The following NDUFAF6 variants were observed in gnomAD, a reference collection of about 807,000 sequenced individuals.
NDUFAF6 encodes NADH dehydrogenase (ubiquinone) complex I, assembly factor 6.
In NDUFAF6, 45 loss-of-function variants were observed where a neutral mutation model predicts 40.8. The ratio of observed to expected loss-of-function variants is 1.10; its 90% CI spans 0.87 to 1.42. The LOEUF (loss-of-function observed/expected upper bound fraction) is 1.42, where lower values mean the gene tolerates loss of function less well. NDUFAF6 is among the 40% of genes most tolerant of loss of function. The pLI is 0.00. For missense variants in NDUFAF6, 435 were observed against 418.5 expected (o/e 1.04, Z -0.34); for synonymous variants, 185 against 155.9 (o/e 1.19, Z -1.39).
At chr8:95,044,237 G>A (rs1310796395) in intron 4 of NDUFAF6, among the ~76,000 whole-genome samples, 1 of 152,022 alleles carries the variant, frequency 6.6e-6, no homozygotes, top group Non-Finnish European at 1.5e-5. Context: ...GGGGAAATGG[G>A]AAGTGTCTGC....
intron 1 of NDUFAF6, among the ~76,000 whole-genome samples, chr8:94,937,554 G>C (rs944640452): frequency 2.6e-5 from 4 of 152,088 alleles, no homozygotes; most frequent in African/African-American, 7.2e-5. Flanking sequence ...ATGGGGAGGA[G>C]GATGCTGGCA....
At chr8:95,065,570 A>G (rs563713103) in intron 9 of NDUFAF6, among the ~76,000 whole-genome samples, 3 of 152,322 alleles carry the variant, frequency 2.0e-5, no homozygotes, top group Admixed American at 6.5e-5. Flanking sequence ...TCTGTAGAAG[A>G]TGTTTTATTT....
At chr8:94,914,125 T>TTC (rs1554624436) in intron 1 of NDUFAF6, among the ~76,000 whole-genome samples, 197 of 150,874 alleles carry the variant, frequency 1.3e-3, no homozygotes, top group African/African-American at 4.7e-3. Context: ...TTTTTTTTTT[T>TTC]TCAGTGGTTT....
chr8:95,067,049 A>T (rs1470410525), intron 9 of NDUFAF6: 1 of 152,268 alleles, frequency 6.6e-6, no homozygotes, highest in Non-Finnish European at 1.5e-5. Flanking sequence ...TTTAATGTGG[A>T]TGGAGCTGGT....
At chr8:94,991,796 GCCC>G (rs35398480) in intron 2 of NDUFAF6, among the ~76,000 whole-genome samples, 1 of 113,274 alleles carries the variant, frequency 8.8e-6, no homozygotes, top group East Asian at 2.6e-4. Context: ...CTCATTCTTC[GCCC>G]CCCCCCCCTT....
At chr8:94,974,418 G>A (rs1824751650) in intron 1 of NDUFAF6, among the ~76,000 whole-genome samples, 1 of 152,040 alleles carries the variant, frequency 6.6e-6, no homozygotes, top group African/African-American at 2.4e-5. Context: ...CTGGGCCCAG[G>A]AGCTCCATTT....
chr8:95,071,854 G>C (rs1003611330), intron 9 of NDUFAF6: 1 of 152,396 alleles, frequency 6.6e-6, no homozygotes, highest in African/African-American at 2.4e-5. Flanking sequence ...CTCAGAAGCA[G>C]CTACATCATC....
intron 1 of NDUFAF6, among the ~76,000 whole-genome samples, chr8:94,959,195 G>A (rs890703860): frequency 2.0e-5 from 3 of 152,290 alleles, no homozygotes; most frequent in Admixed American, 1.3e-4. Context: ...TTGACCTCAG[G>A]AATCCTCACT....
chr8:94,920,114 G>C (rs1447617226), intron 1 of NDUFAF6, among the ~76,000 whole-genome samples: 1 of 152,100 alleles, frequency 6.6e-6, no homozygotes, highest in African/African-American at 2.4e-5. Flanking sequence ...GATATATAAT[G>C]ATAACACTAC....
chr8:94,975,765 T>G (rs1332890427), intron 1 of NDUFAF6: 1 of 152,248 alleles, frequency 6.6e-6, no homozygotes, highest in East Asian at 1.9e-4. Context: ...GTATTTTATT[T>G]TCAGCATCTT....
At chr8:95,003,411 A>G (rs1361938516) in intron 2 of NDUFAF6, among the ~76,000 whole-genome samples, 2 of 152,350 alleles carry the variant, frequency 1.3e-5, no homozygotes, top group South Asian at 2.1e-4. Context: ...TAGGAAAGCA[A>G]TGGAGCTGTT....
intron 9 of NDUFAF6, among the ~76,000 whole-genome samples, chr8:95,065,727 C>T (rs1832687063): frequency 6.6e-6 from 1 of 152,132 alleles, no homozygotes. Flanking sequence ...GAAAAGCCAG[C>T]ATAACCTTTG....
At chr8:95,041,216 C>T (rs761193432) in intron 3 of NDUFAF6, among the ~76,000 whole-genome samples, 14 of 151,696 alleles carry the variant, frequency 9.2e-5, no homozygotes, top group South Asian at 4.2e-4. Flanking sequence ...CCTGTCTCTA[C>T]AATTTAAAAA....
rs34960210 is a variant in NDUFAF6, at chr8:95,035,578, TAA to T, written c.420+14_420+15del. On this transcript the variant is annotated splice_donor_region_variant and intron_variant, in intron 3 of 8. Coordinates refer to ENST00000396124, the MANE Select transcript of NDUFAF6 (RefSeq NM_152416.4). Reference sequence around the variant, plus strand: ...CCTGTGGCCATTGAACTATGGAAGGTAAAAAAAAAAAAATACCACTTTTAATT... The same window carrying T: ...CCTGTGGCCATTGAACTATGGAAGGTAAAAAAAAAAATACCACTTTTAATT... 163 of 1,428,624 alleles carry T rather than the reference TAA, an allele frequency of 1.1e-4. No individual in the cohort carries two copies. The highest frequency in any genetic ancestry group is 9.7e-4 in the Middle Eastern group (5 of 5,174). 88.5% of individuals were successfully genotyped at this position (1,428,624 alleles called of 1,614,324 possible).
intron 1 of NDUFAF6, among the ~76,000 whole-genome samples, chr8:95,027,863 T>C (rs1388619527): frequency 1.3e-5 from 2 of 152,156 alleles, no homozygotes; most frequent in African/African-American, 4.8e-5. Flanking sequence ...GCAGGAAAAA[T>C]AGCAGGCCAT....
chr8:94,914,908 G>A (rs7004256), intron 1 of NDUFAF6, among the ~76,000 whole-genome samples: 242 of 151,944 alleles, frequency 1.6e-3, no homozygotes, highest in African/African-American at 5.5e-3. Context: ...TACCATTTAT[G>A]TTTTATTATT....
intron 1 of NDUFAF6, among the ~76,000 whole-genome samples, chr8:94,976,707 G>C (rs2131558781): frequency 6.6e-6 from 1 of 151,992 alleles, no homozygotes; most frequent in East Asian, 1.9e-4. Context: ...GGAGAATGAT[G>C]GTCATCAGAG....
At chr8:95,089,458 G>GTATATATA (rs34540757) in intron 2 of NDUFAF6, among the ~76,000 whole-genome samples, 3 of 125,754 alleles carry the variant, frequency 2.4e-5, no homozygotes, top group African/African-American at 9.4e-5. Context: ...AGTGTAAACT[G>GTATATATA]TGTGTATATA....
chr8:95,027,046 A>C (rs573373937), intron 1 of NDUFAF6, among the ~76,000 whole-genome samples: 3 of 152,196 alleles, frequency 2.0e-5, no homozygotes. Flanking sequence ...ACCCTGTTTC[A>C]AAACAAACAA....
Sources: allele counts gnomAD v4.1 joint callset (sites outside exome capture counted in the v4.1 genomes callset), GRCh38; gene constraint gnomAD v4.1.1; transcripts MANE v1.5; gene names NCBI Gene and HGNC (gene_info 2026-07-23, HGNC 2026-07-21).